SLC30A5: variants seen among roughly 807,000 people sequenced by gnomAD.
The protein encoded by SLC30A5 is solute carrier family 30 member 5.
SLC30A5 carries 33 observed loss-of-function variants against 79.6 expected under a neutral mutation model. The ratio of observed to expected loss-of-function variants is 0.41; its 90% CI spans 0.31 to 0.55. The LOEUF is 0.55. Among genes scored for constraint, SLC30A5 ranks in the 20% least tolerant of loss-of-function variants. The pLI, the probability that SLC30A5 is intolerant of heterozygous loss-of-function variation, is 0.20. For synonymous variants in SLC30A5, 299 were observed against 319.7 expected (o/e 0.94, Z 0.69); for missense variants, 788 against 928.1 (o/e 0.85, Z 1.96).
chr5:69,105,873 T>TA (rs1746067812), intron 4 of SLC30A5, among the ~76,000 whole-genome samples: 1 of 152,170 alleles, frequency 6.6e-6, no homozygotes, highest in African/African-American at 2.4e-5. Context: ...ATGGGAGGGA[T>TA]ATCTAGGTTG....
Position 69,103,078 on chromosome 5 carries a change from GT to G in SLC30A5, c.227del (p.Leu76CysfsTer44). 1 of 1,572,736 alleles carries G rather than the reference GT, an allele frequency of 6.4e-7. No homozygotes were observed. The highest frequency in any genetic ancestry group is 8.7e-7 in the Non-Finnish European group (1 of 1,147,462). ...ILKLGTAFFM[V>X]LFQKPFSSGK... is the part of the protein sequence containing the mutation. ...TATTTACAGGACTGCATTTTTTATGGTTTTGTTTCAAAAGCCATTTTCTTCT... is the reference window on the plus strand; with the variant it reads ...TATTTACAGGACTGCATTTTTTATGGTTTGTTTCAAAAGCCATTTTCTTCT... On this transcript the variant is annotated frameshift_variant, in exon 3 of 16. Coordinates refer to ENST00000396591, the MANE Select transcript of SLC30A5 (RefSeq NM_022902.5). LOFTEE classifies it high-confidence loss of function.
intron 1 of SLC30A5, among the ~76,000 whole-genome samples, chr5:69,095,262 G>A (rs774603227): frequency 7.2e-6 from 1 of 139,758 alleles, no homozygotes; most frequent in Non-Finnish European, 1.5e-5. Context: ...GTGCAATGGC[G>A]CGATCTCGGC....
At chr5:69,113,324 C>G in intron 6 of SLC30A5, 97 bp downstream of exon 6, 1 of 805,878 alleles carries the variant, frequency 1.2e-6, no homozygotes, top group Non-Finnish European at 2.0e-6. Flanking sequence ...TTAAACTGAT[C>G]AATGATGAAT....
intron 14 of SLC30A5, among the ~76,000 whole-genome samples, chr5:69,124,232 C>T (rs200719630): frequency 9.8e-6 from 1 of 101,658 alleles, no homozygotes; most frequent in Non-Finnish European, 2.1e-5. Flanking sequence ...CTGGACAGCA[C>T]AAAAAAAAAA....
intron 4 of SLC30A5, among the ~76,000 whole-genome samples, chr5:69,105,177 G>A (rs914338062): frequency 2.6e-5 from 4 of 152,118 alleles, no homozygotes; most frequent in African/African-American, 4.8e-5. Flanking sequence ...GATTAAATGC[G>A]TGGTGGATAA....
At chr5:69,107,081 C>T (rs1338582331) in intron 4 of SLC30A5, among the ~76,000 whole-genome samples, 1 of 152,126 alleles carries the variant, frequency 6.6e-6, no homozygotes, top group African/African-American at 2.4e-5. Flanking sequence ...CCAGGCTGGT[C>T]TCAAACTCCT....
chr5:69,105,317 AT>A (rs1472409805), intron 4 of SLC30A5, among the ~76,000 whole-genome samples: 11 of 152,232 alleles, frequency 7.2e-5, no homozygotes, highest in African/African-American at 2.7e-4. Flanking sequence ...GTGTATGAGC[AT>A]TCTTTTAACA....
At chr5:69,113,681 A>T (rs1243074354) in intron 6 of SLC30A5, among the ~76,000 whole-genome samples, 2 of 152,174 alleles carry the variant, frequency 1.3e-5, no homozygotes, top group East Asian at 3.8e-4. Context: ...CTCTTCTCTT[A>T]CAGAAACCCA....
intron 12 of SLC30A5, 59 bp downstream of exon 12, chr5:69,118,687 C>A: frequency 7.0e-7 from 1 of 1,424,794 alleles, no homozygotes; most frequent in Non-Finnish European, 9.4e-7. Context: ...TTTTTTCTAT[C>A]CTAAAGTTTA....
Position 69,115,960 on chromosome 5 carries a change from C to T in SLC30A5, c.818C>T (p.Pro273Leu). Residue 273 changes from proline (P) to leucine (L), a missense_variant, in exon 9 of 16, where the codon CCT becomes CTT. Physicochemically the swap from Pro to Leu is moderately conservative, Grantham distance 98 (BLOSUM62 -3). Transcript: ENST00000396591. ...GAGTCTTGGTTTTCTCTCATTATGC[C>T]TTTTGCAACGGTTATCTTTTTTGTC... ...KVESWFSLIM[P>L]FATVIFFVMI... 6.2e-7 allele frequency: 1 copy of T among 1,613,158 alleles called. No homozygotes were observed. Among genetic ancestry groups the T allele is most frequent in the Non-Finnish European group, 8.5e-7 (1 of 1,179,646 alleles).
At chr5:69,125,532 C>G (rs1294732387) in intron 14 of SLC30A5, among the ~76,000 whole-genome samples, 1 of 144,402 alleles carries the variant, frequency 6.9e-6, no homozygotes, top group Non-Finnish European at 1.5e-5. Flanking sequence ...CTGTCCTTCC[C>G]CACACACAAA....
chr5:69,115,188 T>A (rs201894071), intron 7 of SLC30A5, 49 bp from the exon 8 acceptor site: 3 of 1,146,032 alleles, frequency 2.6e-6, no homozygotes, highest in East Asian at 4.8e-5. Context: ...AACGACTGAC[T>A]GTTGAACTGT....
In SLC30A5 at chr5:69,117,438, A is replaced by C. The variant is rs775492009; in HGVS notation, c.1439+42A>C. 3.0e-5 allele frequency: 46 copies of C among 1,534,978 alleles called. No individual in the cohort carries two copies. In the African/African-American group the frequency reaches 5.9e-4, roughly 20 times the overall value. ...TCGAGGTGGTATATCTTAAGTGCAA[A>C]TTCCATCTTAAGGAACAGAATTATA... On this transcript the variant is annotated intron_variant, in intron 11 of 15. Transcript: ENST00000396591.
At chr5:69,094,454 C>G (rs1052623378) in intron 1 of SLC30A5, 116 bp downstream of exon 1, 1 of 1,114,618 alleles carries the variant, frequency 9.0e-7, no homozygotes, top group Non-Finnish European at 1.1e-6. Flanking sequence ...CGCGCCCTCT[C>G]CCCCTGCCTG....
Position 69,108,438 on chromosome 5 carries a change from T to C in SLC30A5, c.447+2T>C. ...AGTTCTGGAGGAGGACCAGCAAAGG[T>C]AGAATTTTCCATTATCAGTTACTTG... On this transcript the variant is annotated splice_donor_variant, in intron 5 of 15. Transcript: ENST00000396591. LOFTEE classifies it high-confidence loss of function. 1 of 1,604,646 alleles carries C rather than the reference T, an allele frequency of 6.2e-7. No individual in the cohort carries two copies. The highest frequency in any genetic ancestry group is 8.5e-7 in the Non-Finnish European group (1 of 1,171,660).
chr5:69,117,971 C>T (rs370415414), intron 11 of SLC30A5, among the ~76,000 whole-genome samples: 2 of 150,826 alleles, frequency 1.3e-5, no homozygotes, highest in African/African-American at 4.9e-5. Context: ...GTCAGGAGAT[C>T]GAGACCATCC....
chr5:69,129,116 T>C (rs1168886367), intron 15 of SLC30A5, among the ~76,000 whole-genome samples: 2 of 152,190 alleles, frequency 1.3e-5, no homozygotes, highest in African/African-American at 4.8e-5. Context: ...CCTGTAACTA[T>C]TTTAAAAATG....
intron 12 of SLC30A5, among the ~76,000 whole-genome samples, chr5:69,119,162 T>C (rs1746469298): frequency 6.6e-6 from 1 of 152,150 alleles, no homozygotes; most frequent in South Asian, 2.1e-4. Flanking sequence ...CTGTTTCTTG[T>C]AGTTGGCATG....
Position 69,113,183 on chromosome 5 carries a change from T to C in SLC30A5, c.491T>C (p.Leu164Ser). Reference sequence around the variant, plus strand: ...TTCATTATTGCTGTGATCTGTTTATTGCTTTTTGACAATGATGATCTCATG... The same window carrying C: ...TTCATTATTGCTGTGATCTGTTTATCGCTTTTTGACAATGATGATCTCATG... ...AFFIIAVICL[L>S]LFDNDDLMAK... Residue 164 changes from leucine (L) to serine (S), a missense_variant, in exon 6 of 16, where the codon TTG becomes TCG. Physicochemically the swap from Leu to Ser is moderately radical, Grantham distance 145 (BLOSUM62 -2). This residue lies in a region of SLC30A5 where 626 missense variants were observed against 755.5 expected (regional missense o/e 0.83). Transcript: ENST00000396591. The C allele has an allele frequency of 6.2e-7, 1 of 1,613,716 alleles. No homozygotes were observed.
Sources: allele counts gnomAD v4.1 joint callset (sites outside exome capture counted in the v4.1 genomes callset), GRCh38; gene constraint gnomAD v4.1.1; regional missense constraint gnomAD v4.1.1; transcripts MANE v1.5; gene names NCBI Gene and HGNC (gene_info 2026-07-23, HGNC 2026-07-21).